ARPC2: variants seen among roughly 807,000 people sequenced by gnomAD.
ARPC2 encodes the protein actin-related protein 2/3 complex subunit 2.
In ARPC2, 4 loss-of-function variants were observed where a neutral mutation model predicts 38.6. The observed-to-expected ratio is 0.10, with a 90% CI of 0.05 to 0.24. The LOEUF (loss-of-function observed/expected upper bound fraction) is 0.24. ARPC2 is among the 10% of genes least tolerant of loss of function. The pLI, the probability that ARPC2 is intolerant of heterozygous loss-of-function variation, is 1.00. For synonymous variants in ARPC2, 125 were observed against 140.8 expected, an observed-to-expected ratio of 0.89 and a Z score of 0.79; for missense variants, 229 against 387.3, an observed-to-expected ratio of 0.59 and a Z score of 3.43.
intron 4 of ARPC2, 27 bp from the exon 5 acceptor site, chr2:218,234,325 T>C: frequency 6.5e-7 from 1 of 1,545,052 alleles, no homozygotes; most frequent in Non-Finnish European, 8.9e-7. Context: ...TTAACGTATT[T>C]GGTTTTGTTT....
intron 2 of ARPC2, among the ~76,000 whole-genome samples, chr2:218,222,445 G>C (rs1027199254): frequency 2.0e-5 from 3 of 151,884 alleles, no homozygotes; most frequent in African/African-American, 7.3e-5. Flanking sequence ...TTTTCTAAAG[G>C]GTTTTAAGAA....
chr2:218,238,904 C>A, intron 6 of ARPC2, 54 bp downstream of exon 6: 1 of 1,360,146 alleles, frequency 7.4e-7, no homozygotes, highest in Non-Finnish European at 1.0e-6. Flanking sequence ...ACCACCATGG[C>A]ACTTACTGAA....
At chr2:218,250,389 C>T (rs1301573764) in intron 10 of ARPC2, among the ~76,000 whole-genome samples, 2 of 151,958 alleles carry the variant, frequency 1.3e-5, no homozygotes. Flanking sequence ...CCGTGACGGG[C>T]GCTGTGGCTC....
Position 218,245,536 on chromosome 2 carries a change from C to T in ARPC2, c.666C>T (p.Tyr222=). Reference sequence around the variant, plus strand: ...CCGCTGTGGGTGACAACATTGGCTACATTACCTTTGGTGAGCAGGGTGCAC... The same window carrying T: ...CCGCTGTGGGTGACAACATTGGCTATATTACCTTTGGTGAGCAGGGTGCAC... ...TDAAVGDNIG[Y]ITFVLFPRHT... is the part of the protein sequence containing the mutation. Residue 222 remains tyrosine, a synonymous_variant, in exon 8 of 11, where the codon TAC becomes TAT. Transcript: ENST00000315717. 1.9e-6 allele frequency: 3 copies of T among 1,614,178 alleles called. No homozygotes were observed. Among genetic ancestry groups the T allele is most frequent in the Non-Finnish European group, 2.5e-6 (3 of 1,180,016 alleles).
rs753139821 is a variant in ARPC2, at chr2:218,234,343, A to AT, written c.223-5dup. Reference sequence around the variant, plus strand: ...ACGTATTTGGTTTTGTTTTGTTTTTATTTTCTAGTTATTAAAGAGGGTGTA... The same window carrying AT: ...ACGTATTTGGTTTTGTTTTGTTTTTATTTTTCTAGTTATTAAAGAGGGTGTA... On this transcript the variant is annotated splice_polypyrimidine_tract_variant and intron_variant, in intron 4 of 10. Coordinates refer to ENST00000315717, the MANE Select transcript of ARPC2 (RefSeq NM_152862.3). The AT allele has an allele frequency of 2.7e-5, 43 of 1,594,732 alleles. No homozygotes were observed. The highest frequency in any genetic ancestry group is 3.6e-5 in the Non-Finnish European group (42 of 1,167,056).
At chr2:218,226,089 G>T in intron 3 of ARPC2, 135 bp downstream of exon 3, 1 of 822,714 alleles carries the variant, frequency 1.2e-6, no homozygotes, top group Non-Finnish European at 2.0e-6. Flanking sequence ...GATGTCAAGA[G>T]TTAAAGAACA....
rs67037525 is a variant in ARPC2 at position 218,219,840 on chromosome 2, T to TAA, written c.74+2304_74+2305dup. Among the ~76,000 whole-genome samples the TAA allele has an allele frequency of 2.1e-4, 32 of 151,168 alleles. No individual in the cohort carries two copies. In the East Asian group the frequency reaches 4.1e-3, roughly 19 times the overall value. ...GAAAATTTGAAACTTTGAAAATCTT[T>TAA]AAAAAAAAAGAGACCATGATATTGT... On this transcript the variant is annotated intron_variant, in intron 2 of 10. Transcript: ENST00000315717.
chr2:218,240,949 G>T (rs1689899116), intron 7 of ARPC2, among the ~76,000 whole-genome samples: 1 of 152,188 alleles, frequency 6.6e-6, no homozygotes, highest in African/African-American at 2.4e-5. Context: ...GATTTTTGGT[G>T]TAGTTGCATT....
intron 2 of ARPC2, among the ~76,000 whole-genome samples, chr2:218,225,451 A>T (rs951811550): frequency 2.6e-5 from 4 of 152,214 alleles, no homozygotes; most frequent in Non-Finnish European, 5.9e-5. Flanking sequence ...AGTGGAATAG[A>T]ACTTGCCGTT....
chr2:218,244,694 C>T (rs1002096094), intron 7 of ARPC2, among the ~76,000 whole-genome samples: 2 of 152,210 alleles, frequency 1.3e-5, no homozygotes, highest in Non-Finnish European at 2.9e-5. Context: ...TAGAAGGGCA[C>T]GCAGGCCACA....
intron 4 of ARPC2, among the ~76,000 whole-genome samples, chr2:218,230,668 A>T (rs1190414240): frequency 6.6e-6 from 1 of 152,108 alleles, no homozygotes; most frequent in Admixed American, 6.5e-5. Flanking sequence ...GACTTTTTTT[A>T]AATTGTGTAA....
At chr2:218,221,358 G>T (rs966897396) in intron 2 of ARPC2, among the ~76,000 whole-genome samples, 14 of 152,204 alleles carry the variant, frequency 9.2e-5, no homozygotes, top group Non-Finnish European at 1.8e-4. Context: ...CAAATATATT[G>T]CATATGTCCT....
At chr2:218,253,738 G>A (rs972173616) in intron 10 of ARPC2, among the ~76,000 whole-genome samples, 153 bp from the exon 11 acceptor site, 6 of 152,102 alleles carry the variant, frequency 3.9e-5, no homozygotes, top group African/African-American at 9.7e-5. Context: ...GATTTTAGCC[G>A]ATGTCCTGTG....
chr2:218,244,241 T>C (rs1379474300), intron 7 of ARPC2, among the ~76,000 whole-genome samples: 1 of 152,188 alleles, frequency 6.6e-6, no homozygotes, highest in Non-Finnish European at 1.5e-5. Flanking sequence ...AGCTTGGTAG[T>C]GTTAGCATGA....
At chr2:218,223,445 A>G (rs548124586) in intron 2 of ARPC2, among the ~76,000 whole-genome samples, 1,868 of 121,360 alleles carry the variant, frequency 0.015, 41 homozygotes, top group African/African-American at 0.044. Context: ...GGATATGCCA[A>G]AGAGAACCCA....
intron 7 of ARPC2, 113 bp from the exon 8 acceptor site, chr2:218,245,307 T>C: frequency 7.4e-7 from 1 of 1,345,334 alleles, no homozygotes; most frequent in Non-Finnish European, 1.0e-6. Flanking sequence ...TTTAACCTCC[T>C]GCTGGTCTGG....
chr2:218,228,888 C>G, intron 4 of ARPC2, 38 bp downstream of exon 4: 1 of 1,360,978 alleles, frequency 7.3e-7, no homozygotes, highest in Non-Finnish European at 1.0e-6. Flanking sequence ...CTCTTGTTTC[C>G]TCACCTTTCA....
rs537159633 is a variant in ARPC2 at position 218,240,617 on chromosome 2, C to T, written c.549+1133C>T. Among the ~76,000 whole-genome samples the T allele has an allele frequency of 2.7e-4, 41 of 152,194 alleles. No homozygotes were observed. In the South Asian group the frequency reaches 7.1e-3, roughly 26 times the overall value. On this transcript the variant is annotated intron_variant, in intron 7 of 10. Coordinates refer to ENST00000315717, the MANE Select transcript of ARPC2 (RefSeq NM_152862.3). ...TTAAGAAGAGTCATGAGAGGCCAGG[C>T]GCGGTGGCTGACGCCTGTAATCCCA...
At chr2:218,237,711 C>T (rs1184350278) in intron 5 of ARPC2, among the ~76,000 whole-genome samples, 12 of 151,888 alleles carry the variant, frequency 7.9e-5, no homozygotes, top group Non-Finnish European at 4.4e-5. Context: ...GGATTACAGG[C>T]GCCCGCCACC....
Sources: gnomAD v4.1 joint callset for allele counts (sites outside exome capture counted in the v4.1 genomes callset) on GRCh38, gnomAD v4.1.1 for gene constraint, MANE v1.5 for transcripts, NCBI Gene and HGNC (gene_info 2026-07-23, HGNC 2026-07-21) for gene names.